The following ADAMTS9 variants were observed in gnomAD, a reference collection of about 807,000 sequenced individuals.
ADAMTS9 encodes ADAM metallopeptidase with thrombospondin type 1 motif 9.
A neutral mutation model predicts 257.1 loss-of-function variants in ADAMTS9; 107 were observed. The observed-to-expected ratio is 0.42, with a 90% CI of 0.36 to 0.49. ADAMTS9 has a LOEUF of 0.49. Ranked by LOEUF, ADAMTS9 falls within the 20% of genes least tolerant of loss-of-function variation. The probability of loss-of-function intolerance (pLI) is 0.03; values close to 1 mark genes in which losing one functional copy is unlikely to be tolerated. For missense variants in ADAMTS9, 2,353 were observed against 2,469.1 expected, an observed-to-expected ratio of 0.95 and a Z score of 1.00; for synonymous variants, 982 against 880.9, an observed-to-expected ratio of 1.11 and a Z score of -2.03.
At chr3:64,566,801 T>C (rs959952901) in intron 29 of ADAMTS9, among the ~76,000 whole-genome samples, 9 of 151,344 alleles carry the variant, frequency 5.9e-5, no homozygotes, top group African/African-American at 2.2e-4. Flanking sequence ...AGAGACAAGC[T>C]AATTAGCGTG....
intron 29 of ADAMTS9, among the ~76,000 whole-genome samples, chr3:64,566,632 G>A: frequency 6.6e-6 from 1 of 152,058 alleles, no homozygotes; most frequent in East Asian, 1.9e-4. Context: ...TACCAATAAA[G>A]AGCAAAAGAT....
chr3:64,625,177 C>T (rs1700197085), intron 16 of ADAMTS9, among the ~76,000 whole-genome samples: 1 of 152,186 alleles, frequency 6.6e-6, no homozygotes, highest in South Asian at 2.1e-4. Context: ...CAATTGGTAA[C>T]AGCCGCCCAA....
Position 64,604,247 on chromosome 3 carries a change from G to T in ADAMTS9, c.3559C>A (p.Arg1187=). 5 of 1,613,296 alleles carry T rather than the reference G, an allele frequency of 3.1e-6. No homozygotes were observed. Among genetic ancestry groups the T allele is most frequent in the Non-Finnish European group, 4.2e-6 (5 of 1,179,686 alleles). The change falls in exon 24 of 40, where the codon CGA becomes AGA. Residue 1187 remains arginine (R), a synonymous_variant. Transcript: ENST00000498707. ...STYSAPRTQW[R]FGSWTPCSAT... ...CTTACTGGGGTCCAAGACCCAAATC[G>T]CCACTGGGTTCTTGGTGCACTGTAT... is the stretch of plus-strand genomic sequence containing the variant.
chr3:64,595,590 A>G (rs1275054781), intron 27 of ADAMTS9, among the ~76,000 whole-genome samples: 1 of 152,236 alleles, frequency 6.6e-6, no homozygotes, highest in Non-Finnish European at 1.5e-5. Context: ...GGAAATCCAC[A>G]ATACATGAGT....
Position 64,602,333 on chromosome 3 carries a change from T to A in ADAMTS9, c.3748-120A>T, listed in dbSNP as rs190049692. 280 of 1,123,348 alleles carry A rather than the reference T, an allele frequency of 2.5e-4. 1 individual carries two copies. In the African/African-American group the frequency reaches 3.9e-3, roughly 16 times the overall value. The allele number at this position is 1,123,348 out of a possible 1,614,324, so 69.6% of individuals were successfully genotyped here. A position where few individuals can be genotyped will look rare whatever the true frequency, so the allele number is the denominator to read the frequency against. On this transcript the variant is annotated intron_variant, in intron 25 of 39. Coordinates refer to ENST00000498707, the MANE Select transcript of ADAMTS9 (RefSeq NM_182920.2). ...CCCAAATTGCTCAGGCCAAAAACCTTGGAATCACCCTTGTCTCCTCTTTTT... is the reference window on the plus strand; with the variant it reads ...CCCAAATTGCTCAGGCCAAAAACCTAGGAATCACCCTTGTCTCCTCTTTTT...
At chr3:64,578,658 T>C (rs965445302) in intron 28 of ADAMTS9, among the ~76,000 whole-genome samples, 1 of 152,216 alleles carries the variant, frequency 6.6e-6, no homozygotes, top group Non-Finnish European at 1.5e-5. Flanking sequence ...AAACTTAACA[T>C]GTTCAAAACA....
intron 26 of ADAMTS9, among the ~76,000 whole-genome samples, chr3:64,598,931 C>T (rs574498101): frequency 1.3e-5 from 2 of 152,188 alleles, no homozygotes; most frequent in South Asian, 2.1e-4. Context: ...GATTTGCTAC[C>T]TGGTCCAGTT....
At chr3:64,662,432 G>A (rs955248527) in intron 3 of ADAMTS9, among the ~76,000 whole-genome samples, 4 of 151,944 alleles carry the variant, frequency 2.6e-5, no homozygotes, top group African/African-American at 9.7e-5. Flanking sequence ...TATAGTGTTG[G>A]GCAACTTTTC....
chr3:64,516,892 C>T lies in ADAMTS9; in HGVS notation c.*235G>A, dbSNP rs1400934062. ...TTACATCACAATAAATAATTTCAAA[C>T]ATAAATATTAAACTTTACATCATTA... On this transcript the variant is annotated 3_prime_UTR_variant, in exon 40 of 40. Transcript: ENST00000498707. 3.3e-5 allele frequency: 5 copies of T among 152,522 alleles called. No individual in the cohort carries two copies. The highest frequency in any genetic ancestry group is 7.3e-5 in the Non-Finnish European group (5 of 68,030). The allele number at this position is 152,522 out of a possible 1,614,324, so 9.4% of individuals were successfully genotyped here. A position where few individuals can be genotyped will look rare whatever the true frequency, so the allele number is the denominator to read the frequency against.
chr3:64,674,320 G>T (rs1474311270), intron 3 of ADAMTS9, among the ~76,000 whole-genome samples: 1 of 152,168 alleles, frequency 6.6e-6, no homozygotes, highest in Non-Finnish European at 1.5e-5. Flanking sequence ...AGGGGAAAAT[G>T]AAAGGAAATC....
In ADAMTS9 at chr3:64,539,183, G is replaced by A. The variant is rs1390467534; in HGVS notation, c.5613+20C>T. 2.5e-6 allele frequency: 4 copies of A among 1,598,750 alleles called. No homozygotes were observed. Among genetic ancestry groups the A allele is most frequent in the Non-Finnish European group, 3.4e-6 (4 of 1,166,016 alleles). ...GTGGGAGGTGAATCCCTGGCAAGGG[G>A]GAAGGCACCAAGGACATACCTGTGG... On this transcript the variant is annotated intron_variant, in intron 37 of 39. Coordinates refer to ENST00000498707, the MANE Select transcript of ADAMTS9 (RefSeq NM_182920.2).
At chr3:64,635,207 T>C (rs9819183) in intron 12 of ADAMTS9, among the ~76,000 whole-genome samples, 32,548 of 152,110 alleles carry the variant, frequency 0.21, 4,046 homozygotes, top group Non-Finnish European at 0.27. Context: ...TAGAGAAGCT[T>C]GTCCTGATAC....
chr3:64,631,204 C>A (rs1273348156), intron 16 of ADAMTS9, among the ~76,000 whole-genome samples: 1 of 152,080 alleles, frequency 6.6e-6, no homozygotes, highest in Non-Finnish European at 1.5e-5. Context: ...TGACTTGGGG[C>A]CTTTCTATTT....
intron 16 of ADAMTS9, among the ~76,000 whole-genome samples, chr3:64,628,554 G>A (rs1352053955): frequency 1.3e-5 from 2 of 152,056 alleles, no homozygotes; most frequent in Non-Finnish European, 2.9e-5. Context: ...GCCCCATTCT[G>A]CAGCTGTGCA....
intron 29 of ADAMTS9, among the ~76,000 whole-genome samples, chr3:64,564,650 G>C (rs1192513558): frequency 6.6e-6 from 1 of 151,866 alleles, no homozygotes; most frequent in East Asian, 1.9e-4. Context: ...ATTGTAGAAA[G>C]TTTAGCAGCA....
At chr3:64,572,026 A>G (rs973912423) in intron 28 of ADAMTS9, among the ~76,000 whole-genome samples, 1 of 151,748 alleles carries the variant, frequency 6.6e-6, no homozygotes, top group African/African-American at 2.4e-5. Flanking sequence ...GCTCTAGGGA[A>G]TATTTAATTC....
At chr3:64,573,269 T>A (rs185763287) in intron 28 of ADAMTS9, among the ~76,000 whole-genome samples, 18 of 152,208 alleles carry the variant, frequency 1.2e-4, no homozygotes, top group African/African-American at 3.9e-4. Flanking sequence ...TGTATCTAGG[T>A]GATTCCCATT....
chr3:64,640,176 G>A (rs1177874567), intron 12 of ADAMTS9, among the ~76,000 whole-genome samples: 1 of 152,140 alleles, frequency 6.6e-6, no homozygotes, highest in Non-Finnish European at 1.5e-5. Context: ...CAGCCCTTTA[G>A]TTATCTTCCT....
intron 38 of ADAMTS9, among the ~76,000 whole-genome samples, chr3:64,524,404 C>A (rs1247610856): frequency 2.0e-5 from 3 of 152,136 alleles, no homozygotes; most frequent in African/African-American, 7.2e-5. Flanking sequence ...GGACAGATAT[C>A]AGTGTTTGGC....
Sources: gnomAD v4.1 joint callset for allele counts (sites outside exome capture counted in the v4.1 genomes callset) on GRCh38, gnomAD v4.1.1 for gene constraint, MANE v1.5 for transcripts, NCBI Gene and HGNC (gene_info 2026-07-23, HGNC 2026-07-21) for gene names.